Variants in JAZF1 observed in about 807,000 individuals in gnomAD.
JAZF1 encodes JAZF zinc finger 1, also known as juxtaposed with another zinc finger protein 1.
JAZF1 carries 8 observed loss-of-function variants against 26.4 expected under a neutral mutation model. The observed-to-expected ratio is 0.30, with a 90% CI of 0.18 to 0.55. JAZF1 has a LOEUF of 0.55. JAZF1 is among the 20% of genes least tolerant of loss of function. The pLI is 0.94. For missense variants in JAZF1, 199 were observed against 322.0 expected, an observed-to-expected ratio of 0.62 and a Z score of 2.92; for synonymous variants, 126 against 122.3, an observed-to-expected ratio of 1.03 and a Z score of -0.20.
chr7:28,067,605 C>T (rs1218267535), intron 1 of JAZF1, among the ~76,000 whole-genome samples: 1 of 152,168 alleles, frequency 6.6e-6, no homozygotes, highest in Non-Finnish European at 1.5e-5. Flanking sequence ...GTTGGGCAAA[C>T]TTTCTCTTGT....
intron 3 of JAZF1, among the ~76,000 whole-genome samples, chr7:27,847,407 T>TA (rs1683291828): frequency 6.6e-6 from 1 of 152,202 alleles, no homozygotes; most frequent in Non-Finnish European, 1.5e-5. Context: ...TCCTGTTCTC[T>TA]AAGAGTTTTA....
chr7:28,163,376 A>G (rs1007703979), intron 1 of JAZF1, among the ~76,000 whole-genome samples: 1 of 152,156 alleles, frequency 6.6e-6, no homozygotes, highest in African/African-American at 2.4e-5. Context: ...CCTCCATGAC[A>G]TCGACTTGGA....
chr7:28,022,274 T>C (rs1482436391), intron 1 of JAZF1, among the ~76,000 whole-genome samples: 1 of 152,250 alleles, frequency 6.6e-6, no homozygotes, highest in Admixed American at 6.5e-5. Flanking sequence ...TTCTTAAGCA[T>C]AGCTTTCAAA....
intron 2 of JAZF1, among the ~76,000 whole-genome samples, chr7:27,990,193 C>T (rs180864848): frequency 2.0e-3 from 304 of 152,272 alleles, no homozygotes; most frequent in African/African-American, 7.1e-3. Context: ...GACAGAAAAC[C>T]AAACACCGCA....
chr7:27,999,036 G>A (rs1786079157), intron 1 of JAZF1, among the ~76,000 whole-genome samples: 1 of 152,160 alleles, frequency 6.6e-6, no homozygotes, highest in African/African-American at 2.4e-5. Context: ...CAGTGGTGAT[G>A]GGGTGTGCTT....
intron 2 of JAZF1, among the ~76,000 whole-genome samples, chr7:27,968,294 C>T (rs577022355): frequency 2.6e-5 from 4 of 152,118 alleles, no homozygotes; most frequent in Admixed American, 2.6e-4. Flanking sequence ...AACTCACAGT[C>T]ACATAATAAA....
At chr7:28,168,108 C>T (rs762672613) in intron 1 of JAZF1, among the ~76,000 whole-genome samples, 4 of 152,038 alleles carry the variant, frequency 2.6e-5, no homozygotes, top group Non-Finnish European at 4.4e-5. Flanking sequence ...TTCGGCCGGG[C>T]GCAGTGGCTC....
rs548475437 is a variant in JAZF1 at position 27,991,633 on chromosome 7, A to G, written c.188+276T>C. On this transcript the variant is annotated intron_variant, in intron 2 of 4. Transcript: ENST00000283928. Reference sequence around the variant, plus strand: ...ATCCATTAATCTCCCAAACTGCCCTATGAAGTCAAAAGAGCATATTCTAAC... The same window carrying G: ...ATCCATTAATCTCCCAAACTGCCCTGTGAAGTCAAAAGAGCATATTCTAAC... Among the ~76,000 whole-genome samples the G allele has an allele frequency of 3.9e-5, 6 of 152,350 alleles. No individual in the cohort carries two copies. The South Asian group carries it at 6.2e-4, about 16-fold the overall frequency.
intron 1 of JAZF1, among the ~76,000 whole-genome samples, chr7:28,093,327 G>A (rs1156870355): frequency 1.3e-5 from 2 of 152,092 alleles, no homozygotes; most frequent in African/African-American, 2.4e-5. Context: ...TCCCTCACTC[G>A]ACGCATTCTC....
At position 27,930,716 on chromosome 7, in the gene JAZF1, A is replaced by T. The variant is rs187011428; in HGVS notation, c.189-35300T>A. 1.9e-3 allele frequency among the ~76,000 whole-genome samples: 295 copies of T among 152,322 alleles called. 4 individuals are homozygous for T. In the South Asian group the frequency reaches 0.02, roughly 11 times the overall value. On this transcript the variant is annotated intron_variant, in intron 2 of 4. Transcript: ENST00000283928. Reference sequence around the variant, plus strand: ...CAAAATTGTAGGTTTTTGCTCTACCACTAAGAAAATGTTCATATAATCTAA... The same window carrying T: ...CAAAATTGTAGGTTTTTGCTCTACCTCTAAGAAAATGTTCATATAATCTAA...
chr7:27,916,542 C>G (rs1562528327), intron 2 of JAZF1, among the ~76,000 whole-genome samples: 2 of 152,234 alleles, frequency 1.3e-5, no homozygotes, highest in Middle Eastern at 3.4e-3. Flanking sequence ...GAACTCAGGG[C>G]CAACAGTACT....
intron 3 of JAZF1, among the ~76,000 whole-genome samples, chr7:27,863,359 T>C (rs898464998): frequency 1.3e-5 from 2 of 152,210 alleles, no homozygotes; most frequent in African/African-American, 2.4e-5. Context: ...CAGGGCCTTC[T>C]TCCCATGGTG....
At chr7:27,971,787 C>T (rs1259530910) in intron 2 of JAZF1, among the ~76,000 whole-genome samples, 2 of 152,104 alleles carry the variant, frequency 1.3e-5, no homozygotes, top group African/African-American at 2.4e-5. Context: ...AGGGAAATCT[C>T]CAAGGTCATC....
intron 2 of JAZF1, among the ~76,000 whole-genome samples, chr7:27,933,063 T>C (rs1392514807): frequency 6.6e-6 from 1 of 152,170 alleles, no homozygotes; most frequent in South Asian, 2.1e-4. Flanking sequence ...CTCTGTGGAA[T>C]GGGTATTATT....
chr7:27,894,374 T>C (rs1366013338), intron 3 of JAZF1, among the ~76,000 whole-genome samples: 1 of 152,254 alleles, frequency 6.6e-6, no homozygotes, highest in African/African-American at 2.4e-5. Flanking sequence ...ACCAAGGTTT[T>C]CTTACTAATA....
At chr7:28,000,624 T>C (rs1786133607) in intron 1 of JAZF1, among the ~76,000 whole-genome samples, 1 of 128,976 alleles carries the variant, frequency 7.8e-6, no homozygotes, top group African/African-American at 3.0e-5. Flanking sequence ...CTTTCTTTCT[T>C]TTTTTTTTTT....
chr7:28,156,062 T>C (rs565027403), intron 1 of JAZF1, among the ~76,000 whole-genome samples: 2 of 152,340 alleles, frequency 1.3e-5, no homozygotes, highest in East Asian at 3.9e-4. Flanking sequence ...AAATTGCCAC[T>C]CACTCCAGCA....
intron 2 of JAZF1, among the ~76,000 whole-genome samples, chr7:27,978,466 G>A (rs145288202): frequency 6.6e-6 from 1 of 152,222 alleles, no homozygotes; most frequent in Non-Finnish European, 1.5e-5. Flanking sequence ...AGACCATTAG[G>A]GCAAAATTTT....
chr7:28,157,930 C>A (rs1283871561), intron 1 of JAZF1, among the ~76,000 whole-genome samples: 1 of 151,804 alleles, frequency 6.6e-6, no homozygotes, highest in Non-Finnish European at 1.5e-5. Flanking sequence ...CCATGGTCTC[C>A]TCCTAAGTTT....
Sources: gnomAD v4.1 joint callset for allele counts (sites outside exome capture counted in the v4.1 genomes callset) on GRCh38, gnomAD v4.1.1 for gene constraint, MANE v1.5 for transcripts, NCBI Gene and HGNC (gene_info 2026-07-23, HGNC 2026-07-21) for gene names.